The following CDH12 variants were observed in gnomAD, a reference collection of about 807,000 sequenced individuals.
The protein encoded by CDH12 is cadherin 12, also known as cadherin-12.
A neutral mutation model predicts 74.1 loss-of-function variants in CDH12; 41 were observed. The observed-to-expected ratio is 0.55, with a 90% CI of 0.43 to 0.72. The LOEUF is 0.72. Ranked by LOEUF, CDH12 falls within the 30% of genes least tolerant of loss-of-function variation. The pLI, the probability that CDH12 is intolerant of heterozygous loss-of-function variation, is 0.00. For synonymous variants in CDH12, 399 were observed against 355.0 expected (o/e 1.12, Z -1.39); for missense variants, 945 against 977.2 (o/e 0.97, Z 0.44).
chr5:21,996,121 T>TG (rs1561004940), intron 5 of CDH12, among the ~76,000 whole-genome samples: 2 of 84,322 alleles, frequency 2.4e-5, no homozygotes, highest in African/African-American at 1.3e-4. Flanking sequence ...TTTTTTTTTT[T>TG]TTTTTTTTTT....
intron 9 of CDH12, among the ~76,000 whole-genome samples, chr5:21,805,215 T>C (rs894238973): frequency 1.3e-5 from 2 of 152,148 alleles, no homozygotes; most frequent in African/African-American, 4.8e-5. Flanking sequence ...TATGTTGAAG[T>C]ACTTCTAATT....
intron 6 of CDH12, among the ~76,000 whole-genome samples, chr5:21,958,171 C>T (rs1309819206): frequency 2.6e-5 from 4 of 152,008 alleles, no homozygotes; most frequent in Non-Finnish European, 5.9e-5. Context: ...TCCCTTTCAC[C>T]TTCTTCTATA....
At chr5:22,024,471 A>G (rs1008486635) in intron 5 of CDH12, among the ~76,000 whole-genome samples, 1 of 152,182 alleles carries the variant, frequency 6.6e-6, no homozygotes, top group African/African-American at 2.4e-5. Flanking sequence ...TTGAAGTATC[A>G]TCATGCATAA....
intron 1 of CDH12, among the ~76,000 whole-genome samples, chr5:22,585,639 T>C (rs1183082240): frequency 6.6e-6 from 1 of 152,206 alleles, no homozygotes; most frequent in Non-Finnish European, 1.5e-5. Context: ...TACTTTCTTC[T>C]GAAGGATCTT....
chr5:21,921,764 TTGAAAA>T (rs1157949700), intron 6 of CDH12, among the ~76,000 whole-genome samples: 1 of 152,222 alleles, frequency 6.6e-6, no homozygotes, highest in Non-Finnish European at 1.5e-5. Context: ...TTCTACTGAC[TTGAAAA>T]TGAACAAAGT....
At chr5:22,633,096 C>A (rs193173186) in intron 1 of CDH12, among the ~76,000 whole-genome samples, 18 of 152,072 alleles carry the variant, frequency 1.2e-4, no homozygotes, top group African/African-American at 4.3e-4. Context: ...AATGTTATAT[C>A]CAGTAAAATG....
chr5:22,525,814 T>C (rs1425271033), intron 1 of CDH12, among the ~76,000 whole-genome samples: 2 of 152,102 alleles, frequency 1.3e-5, no homozygotes, highest in African/African-American at 4.8e-5. Context: ...TGTTAAAAAT[T>C]TACCCAAGGG....
chr5:22,597,401 AG>A lies in CDH12; in HGVS notation c.-522-92038del, dbSNP rs1736654338. Among the ~76,000 whole-genome samples, 4 of 152,198 alleles carry A rather than the reference AG, an allele frequency of 2.6e-5. No individual in the cohort carries two copies. In the South Asian group the frequency reaches 8.3e-4, roughly 32 times the overall value. On this transcript the variant is annotated intron_variant, in intron 1 of 14. Coordinates refer to ENST00000382254, the MANE Select transcript of CDH12 (RefSeq NM_004061.5). ...ACAGATGAGAAGTTTGTGCTTTAAT[AG>A]GTCAGGCTTTCTTACAGTACATGAA... is the stretch of plus-strand genomic sequence containing the variant.
intron 3 of CDH12, among the ~76,000 whole-genome samples, chr5:22,365,767 A>G (rs561375986): frequency 4.6e-5 from 7 of 152,234 alleles, no homozygotes; most frequent in Non-Finnish European, 7.3e-5. Flanking sequence ...CAACATCAGT[A>G]TCATGCCAGT....
At chr5:21,975,060 T>C (rs1193727529) in intron 6 of CDH12, 31 bp downstream of exon 6, 10 of 1,455,290 alleles carry the variant, frequency 6.9e-6, no homozygotes, top group Non-Finnish European at 9.3e-6. Flanking sequence ...GGTCTCATTG[T>C]ATCTCACAGA....
At chr5:22,602,442 G>C (rs1167840529) in intron 1 of CDH12, among the ~76,000 whole-genome samples, 1 of 152,118 alleles carries the variant, frequency 6.6e-6, no homozygotes, top group African/African-American at 2.4e-5. Flanking sequence ...AAGCAAGTAA[G>C]TACAAAATGA....
At chr5:21,959,638 G>T (rs1756256342) in intron 6 of CDH12, among the ~76,000 whole-genome samples, 1 of 151,574 alleles carries the variant, frequency 6.6e-6, no homozygotes, top group South Asian at 2.1e-4. Context: ...GGCCGGGAGT[G>T]GTGGCTCACA....
In CDH12 at chr5:22,553,701, A is replaced by G. The variant is rs191399522; in HGVS notation, c.-522-48337T>C. Among the ~76,000 whole-genome samples the G allele has an allele frequency of 3.0e-4, 46 of 152,302 alleles. No individual in the cohort carries two copies. In the East Asian group the frequency reaches 3.1e-3, roughly 10 times the overall value. ...CACTGACAAAATATCACTTCTTCCC[A>G]AATTGATCTACAGCAGCAGTCCCCA... On this transcript the variant is annotated intron_variant, in intron 1 of 14. Coordinates refer to ENST00000382254, the MANE Select transcript of CDH12 (RefSeq NM_004061.5).
At chr5:22,329,809 C>G (rs1272051932) in intron 3 of CDH12, among the ~76,000 whole-genome samples, 1 of 152,208 alleles carries the variant, frequency 6.6e-6, no homozygotes, top group Non-Finnish European at 1.5e-5. Context: ...TTTTGACCAG[C>G]CCTAGCCAGA....
intron 6 of CDH12, among the ~76,000 whole-genome samples, chr5:21,858,209 T>C (rs1398051922): frequency 1.3e-5 from 2 of 151,848 alleles, no homozygotes; most frequent in South Asian, 2.1e-4. Flanking sequence ...TATACAGATA[T>C]GTATATGTTA....
chr5:22,717,783 C>T (rs1430243075), intron 1 of CDH12, among the ~76,000 whole-genome samples: 3 of 151,990 alleles, frequency 2.0e-5, no homozygotes, highest in Non-Finnish European at 4.4e-5. Context: ...TGTATTGTTG[C>T]CTGAGGTTTG....
At position 21,802,252 on chromosome 5, in the gene CDH12, T is replaced by C. The variant is rs147983357; in HGVS notation, c.1171A>G (p.Met391Val). 32 of 1,613,938 alleles carry C rather than the reference T, an allele frequency of 2.0e-5. No individual in the cohort carries two copies. The highest frequency in any genetic ancestry group is 2.5e-5 in the Non-Finnish European group (30 of 1,179,948). The change falls in exon 10 of 15, where the codon ATG becomes GTG. Residue 391 changes from methionine to valine, a missense_variant. Coordinates refer to ENST00000382254, the MANE Select transcript of CDH12 (RefSeq NM_004061.5). ...ACCGGAGTGTCTTCATAAACCTCCA[T>C]GGTGTAGAGCGGCTTGCTGAAAACC... ...PPVFSKPLYT[M>V]EVYEDTPVGT... is the part of the protein sequence containing the mutation.
chr5:22,142,022 G>C (rs1161777750), intron 4 of CDH12, among the ~76,000 whole-genome samples: 1 of 152,038 alleles, frequency 6.6e-6, no homozygotes, highest in Non-Finnish European at 1.5e-5. Context: ...ATTACTCCTG[G>C]GCTTTTGGAA....
At chr5:22,127,877 T>C (rs1209778480) in intron 4 of CDH12, among the ~76,000 whole-genome samples, 1 of 152,026 alleles carries the variant, frequency 6.6e-6, no homozygotes, top group Non-Finnish European at 1.5e-5. Context: ...AGCCATTATG[T>C]GTCTGAATAT....
Sources: allele counts gnomAD v4.1 joint callset (sites outside exome capture counted in the v4.1 genomes callset), GRCh38; gene constraint gnomAD v4.1.1; transcripts MANE v1.5; gene names NCBI Gene and HGNC (gene_info 2026-07-23, HGNC 2026-07-21).